The following C14orf93 variants were observed in gnomAD, a reference collection of about 807,000 sequenced individuals.
C14orf93 encodes the protein uncharacterized protein C14orf93.
A neutral mutation model predicts 44.0 loss-of-function variants in C14orf93; 23 were observed. The observed-to-expected ratio is 0.52, with a 90% CI of 0.38 to 0.74. The LOEUF is 0.74. Among genes scored for constraint, C14orf93 ranks in the 30% least tolerant of loss-of-function variants. The pLI is 0.00. For synonymous variants in C14orf93, 253 were observed against 265.7 expected (o/e 0.95, Z 0.46); for missense variants, 579 against 678.9 (o/e 0.85, Z 1.64).
At chr14:23,000,752 A>C (rs1443671800) in intron 1 of C14orf93, among the ~76,000 whole-genome samples, 1 of 149,994 alleles carries the variant, frequency 6.7e-6, no homozygotes, top group Non-Finnish European at 1.5e-5. Flanking sequence ...GGAGGTTAAG[A>C]GAATTTTCTA....
chr14:22,990,295 T>C (rs530556320), intron 3 of C14orf93, among the ~76,000 whole-genome samples, 168 bp from the exon 4 acceptor site: 1 of 152,268 alleles, frequency 6.6e-6, no homozygotes, highest in African/African-American at 2.4e-5. Flanking sequence ...TTCCCTGACT[T>C]TTCATTTCAT....
At position 22,990,102 on chromosome 14, in the gene C14orf93, T is replaced by C. The variant is rs2045503310; in HGVS notation, c.944A>G (p.His315Arg). ...LSKLVHNVHN[H>R]ITNDKRFNGS... The stretch of plus-strand genomic sequence containing the variant: ...ATTGAATCTCTTGTCATTGGTGATG[T>C]GGTTATGCACATTGTGGACCAGTTT... Residue 315 changes from histidine (H) to arginine (R), a missense_variant, in exon 4 of 7, where the codon CAC becomes CGC. By Grantham distance (29) the His-to-Arg change is conservative (BLOSUM62 0). Transcript: ENST00000299088. 1 of 1,613,762 alleles carries C rather than the reference T, an allele frequency of 6.2e-7. No individual in the cohort carries two copies. The highest frequency in any genetic ancestry group is 1.6e-4 in the Middle Eastern group (1 of 6,062).
chr14:23,009,448 C>T (rs1419434527), intron 1 of C14orf93, among the ~76,000 whole-genome samples: 2 of 152,012 alleles, frequency 1.3e-5, no homozygotes, highest in Non-Finnish European at 2.9e-5. Flanking sequence ...ACACAAATAA[C>T]CCCAAGTTAT....
chr14:23,007,147 C>T (rs898536205), intron 1 of C14orf93: 1 of 152,224 alleles, frequency 6.6e-6, no homozygotes, highest in Non-Finnish European at 1.5e-5. Flanking sequence ...GCCCGTGTAC[C>T]CGGCTACCGC....
At chr14:22,990,665 C>T (rs1462361947) in intron 3 of C14orf93, among the ~76,000 whole-genome samples, 1 of 152,050 alleles carries the variant, frequency 6.6e-6, no homozygotes, top group African/African-American at 2.4e-5. Context: ...GACGGGGTTT[C>T]ACCATGTTGG....
In C14orf93 at chr14:22,999,330, GC is replaced by G; in HGVS notation, c.-308del. The G allele has an allele frequency of 4.1e-6, 1 of 242,486 alleles. No individual in the cohort carries two copies. Among genetic ancestry groups the G allele is most frequent in the East Asian group, 8.6e-5 (1 of 11,582 alleles). The allele number at this position is 242,486 out of a possible 1,614,324, so 15.0% of individuals were successfully genotyped here. A position where few individuals can be genotyped will look rare whatever the true frequency, so the allele number is the denominator to read the frequency against. On this transcript the variant is annotated 5_prime_UTR_variant, in exon 2 of 7. An upstream open reading frame in the 5' UTR loses its in-frame stop. Coordinates refer to ENST00000299088, the MANE Select transcript of C14orf93 (RefSeq NM_021944.4). Reference sequence around the variant, plus strand: ...TCAGACGGTAGAGAGCATTCCTTCTGCCCCCCAGCATGGAACCCCCGACTAG... The same window carrying G: ...TCAGACGGTAGAGAGCATTCCTTCTGCCCCCAGCATGGAACCCCCGACTAG...
In C14orf93 at chr14:22,999,141, C is replaced by A; in HGVS notation, c.-118G>T. ...ATGAGGATGGTCAGAGGAGCCCAGG[C>A]CCCAAGCTGTAGGGTCTGTGAAAGA... On this transcript the variant is annotated 5_prime_UTR_variant, in exon 2 of 7. Coordinates refer to ENST00000299088, the MANE Select transcript of C14orf93 (RefSeq NM_021944.4). The A allele has an allele frequency of 6.9e-7, 1 of 1,459,510 alleles. No homozygotes were observed. The highest frequency in any genetic ancestry group is 9.1e-7 in the Non-Finnish European group (1 of 1,098,472). The allele number at this position is 1,459,510 out of a possible 1,614,324, so 90.4% of individuals were successfully genotyped here. A position where few individuals can be genotyped will look rare whatever the true frequency, so the allele number is the denominator to read the frequency against.
chr14:22,995,098 C>T (rs28624487), intron 3 of C14orf93, among the ~76,000 whole-genome samples: 6,842 of 152,254 alleles, frequency 0.045, 504 homozygotes, highest in African/African-American at 0.15. Flanking sequence ...GGGCTCCCAG[C>T]CACGCCAAGA....
At chr14:23,003,877 TATATATATA>T (rs2046446815) in intron 1 of C14orf93, among the ~76,000 whole-genome samples, 3 of 14,940 alleles carry the variant, frequency 2.0e-4, no homozygotes, top group Non-Finnish European at 3.9e-4. Context: ...TATATATATA[TATATATATA>T]TATATATATA....
In C14orf93 at chr14:22,998,922, G is replaced by A. The variant is rs114755863; in HGVS notation, c.102C>T (p.Gly34=). Residue 34 remains glycine (G), a synonymous_variant, in exon 2 of 7, where the codon GGC becomes GGT. Coordinates refer to ENST00000299088, the MANE Select transcript of C14orf93 (RefSeq NM_021944.4). The part of the protein sequence containing the change: ...CKSETNGGNT[G]SQGGNPPPST... ...TGGGAGGAGGATTCCCACCCTGGGA[G>A]CCTGTGTTGCCTCCATTAGTCTCAC... The A allele has an allele frequency of 1.6e-3, 2,523 of 1,614,108 alleles. 37 individuals are homozygous for A. The African/African-American group carries it at 0.03, about 19-fold the overall frequency.
At chr14:22,998,305 G>C in intron 2 of C14orf93, 122 bp downstream of exon 2, 4 of 1,333,544 alleles carry the variant, frequency 3.0e-6, no homozygotes, top group Non-Finnish European at 4.0e-6. Flanking sequence ...ACGTGGTACT[G>C]TTTTGCTTTA....
chr14:22,991,096 G>A (rs2045590490), intron 3 of C14orf93, among the ~76,000 whole-genome samples: 9 of 151,454 alleles, frequency 5.9e-5, no homozygotes, highest in Admixed American at 5.9e-4. Context: ...GGGATTACAG[G>A]TGTAAGCCAC....
intron 1 of C14orf93, among the ~76,000 whole-genome samples, chr14:23,003,898 ATTTTTTTTTTTT>A (rs1170432984): frequency 6.3e-3 from 65 of 10,352 alleles, no homozygotes; most frequent in Admixed American, 8.6e-3. Context: ...ATATATATAT[ATTTTTTTTTTTT>A]TTTTTTTTTT....
chr14:22,988,067 TCCCCAGCC>T (rs1324657051), intron 5 of C14orf93, 52 bp from the exon 6 acceptor site: 1 of 1,297,860 alleles, frequency 7.7e-7, no homozygotes, highest in Admixed American at 1.8e-5. Flanking sequence ...TGAGTAGTGG[TCCCCAGCC>T]CGTTTTTCTG....
At position 22,996,254 on chromosome 14, in the gene C14orf93, G is replaced by A. The variant is rs560011508; in HGVS notation, c.612C>T (p.Tyr204=). The A allele has an allele frequency of 1.0e-5, 16 of 1,554,962 alleles. No individual in the cohort carries two copies. The highest frequency in any genetic ancestry group is 4.8e-5 in the South Asian group (4 of 83,912). ...APLLNPLVDD[Y]VASEGAVQRV... ...GCTGTACTGCACCCTCAGAGGCCAC[G>A]TAATCATCCACCAGCTAAGAACATA... The change falls in exon 3 of 7, where the codon TAC becomes TAT. Residue 204 remains tyrosine, a synonymous_variant. Coordinates refer to ENST00000299088, the MANE Select transcript of C14orf93 (RefSeq NM_021944.4). This position sits in a 1 kb window ranked among gnomAD's most constrained non-coding sequence, Gnocchi z 4.1.
intron 1 of C14orf93, among the ~76,000 whole-genome samples, chr14:22,999,744 CTCTG>C (rs962726101): frequency 6.6e-6 from 1 of 152,170 alleles, no homozygotes; most frequent in Non-Finnish European, 1.5e-5. Context: ...ATTCTACCCT[CTCTG>C]TAATTTTCAT....
intron 3 of C14orf93, chr14:22,993,906 C>T (rs904374983): frequency 6.6e-6 from 1 of 152,272 alleles, no homozygotes; most frequent in African/African-American, 2.4e-5. Flanking sequence ...GTCCCTCCCC[C>T]TCTAAACCCA....
At chr14:22,999,974 G>A (rs556379978) in intron 1 of C14orf93, 1 of 152,338 alleles carries the variant, frequency 6.6e-6, no homozygotes, top group African/African-American at 2.4e-5. Flanking sequence ...ATGAGCCTCT[G>A]TAATGGAAAC....
chr14:22,996,378 T>G lies in C14orf93; in HGVS notation c.598-110A>C, dbSNP rs2045976426. ...AACAGAAAGTGGAAAGAAGGGGAACTCTAGCACAGTCTTTAATGGTCAATG... is the reference window on the plus strand; with the variant it reads ...AACAGAAAGTGGAAAGAAGGGGAACGCTAGCACAGTCTTTAATGGTCAATG... On this transcript the variant is annotated intron_variant, in intron 2 of 6. Coordinates refer to ENST00000299088, the MANE Select transcript of C14orf93 (RefSeq NM_021944.4). The surrounding 1 kb of genome is among the most constrained non-coding windows in gnomAD (Gnocchi z 4.1). The G allele has an allele frequency of 4.7e-6, 5 of 1,070,508 alleles. No homozygotes were observed. In the African/African-American group the frequency reaches 8.0e-5, roughly 17 times the overall value. 66.3% of individuals were successfully genotyped at this position (1,070,508 alleles called of 1,614,324 possible).
Sources: allele counts gnomAD v4.1 joint callset (sites outside exome capture counted in the v4.1 genomes callset), GRCh38; gene constraint gnomAD v4.1.1; non-coding constraint Gnocchi (gnomAD v3.1); transcripts MANE v1.5; gene names NCBI Gene and HGNC (gene_info 2026-07-23, HGNC 2026-07-21).